The following WASHC2A variants were observed in gnomAD, a reference collection of about 807,000 sequenced individuals.
WASHC2A encodes the protein WASH complex subunit FAM21A.
A neutral mutation model predicts 140.3 loss-of-function variants in WASHC2A; 82 were observed. The observed-to-expected ratio is 0.58, with a 90% confidence interval of 0.49 to 0.70. The LOEUF is 0.70. Ranked by LOEUF, WASHC2A falls within the 30% of genes least tolerant of loss-of-function variation. WASHC2A has a pLI of 0.00. For missense variants in WASHC2A, 985 were observed against 1,521.8 expected (o/e 0.65, Z 5.87); for synonymous variants, 340 against 560.8 (o/e 0.61, Z 5.56).
intron 17 of WASHC2A, among the ~76,000 whole-genome samples, chr10:50,101,236 T>C (rs1420146403): frequency 6.6e-6 from 1 of 152,310 alleles, no homozygotes; most frequent in Admixed American, 6.5e-5. Context: ...CTCCACCGTC[T>C]TATGCTCATG....
chr10:50,079,314 G>A (rs1354674304), intron 4 of WASHC2A, among the ~76,000 whole-genome samples: 1 of 152,134 alleles, frequency 6.6e-6, no homozygotes. Context: ...TGTTAGACTA[G>A]GAAAAGGGTA....
chr10:50,091,921 A>T (rs1223366745), intron 10 of WASHC2A, among the ~76,000 whole-genome samples: 1 of 152,210 alleles, frequency 6.6e-6, no homozygotes, highest in Non-Finnish European at 1.5e-5. Flanking sequence ...TCTTTCAACA[A>T]ATACAATCCT....
At chr10:50,069,934 G>A (rs71508038) in intron 3 of WASHC2A, among the ~76,000 whole-genome samples, 5 of 151,818 alleles carry the variant, frequency 3.3e-5, no homozygotes, top group African/African-American at 4.8e-5. Flanking sequence ...CTTATACTTC[G>A]GTGCTTCCAT....
At chr10:50,069,489 A>G (rs1186644545) in intron 2 of WASHC2A, 58 bp from the exon 3 acceptor site, 196 of 1,543,622 alleles carry the variant, frequency 1.3e-4, no homozygotes, top group Non-Finnish European at 1.6e-4. Context: ...TTTTGATGTG[A>G]CATGCAGAAT....
intron 2 of WASHC2A, 105 bp downstream of exon 2, chr10:50,068,332 C>G: frequency 8.0e-7 from 1 of 1,247,222 alleles, no homozygotes; most frequent in South Asian, 1.6e-5. Flanking sequence ...GTCCCGTTGC[C>G]TGCCCTCTTA....
intron 5 of WASHC2A, among the ~76,000 whole-genome samples, chr10:50,081,895 A>G (rs1273248666): frequency 6.6e-6 from 1 of 152,118 alleles, no homozygotes; most frequent in Non-Finnish European, 1.5e-5. Flanking sequence ...GGCCTCCCAA[A>G]GTGCTGGGAT....
At chr10:50,114,544 AG>A (rs1389021498) in intron 21 of WASHC2A, among the ~76,000 whole-genome samples, 2 of 144,388 alleles carry the variant, frequency 1.4e-5, no homozygotes, top group African/African-American at 5.0e-5. Flanking sequence ...AAAAAAAAAA[AG>A]CGTAAACACG....
chr10:50,079,531 G>C (rs1332868353), intron 4 of WASHC2A, among the ~76,000 whole-genome samples: 1 of 152,156 alleles, frequency 6.6e-6, no homozygotes. Context: ...CGAGTAGCTG[G>C]GACTACAGGC....
chr10:50,089,653 C>T (rs1362764753), intron 8 of WASHC2A, among the ~76,000 whole-genome samples: 3 of 152,164 alleles, frequency 2.0e-5, no homozygotes, highest in South Asian at 4.1e-4. Context: ...GGGGGCGGGG[C>T]GTGGTATCAT....
intron 17 of WASHC2A, among the ~76,000 whole-genome samples, chr10:50,101,436 A>G (rs1253446688): frequency 1.3e-5 from 2 of 152,300 alleles, no homozygotes; most frequent in Admixed American, 6.5e-5. Context: ...CCTCTTTCCT[A>G]TTTCACTGTT....
intron 13 of WASHC2A, among the ~76,000 whole-genome samples, chr10:50,094,504 T>G (rs1389711189): frequency 2.0e-5 from 3 of 152,108 alleles, no homozygotes; most frequent in African/African-American, 7.2e-5. Context: ...AATATAAATA[T>G]GTTTTTTAAC....
chr10:50,074,398 A>G (rs750539755), intron 3 of WASHC2A, among the ~76,000 whole-genome samples: 81 of 150,112 alleles, frequency 5.4e-4, no homozygotes, highest in Non-Finnish European at 1.0e-3. Flanking sequence ...GCTGATAGGT[A>G]ACCATGGTAG....
chr10:50,098,351 A>G (rs1840705611), intron 16 of WASHC2A, among the ~76,000 whole-genome samples: 1 of 151,918 alleles, frequency 6.6e-6, no homozygotes. Flanking sequence ...CCAAAATGCC[A>G]TTTACAGCAG....
In WASHC2A at chr10:50,130,533, G is replaced by A. The variant is rs1409345629; in HGVS notation, c.3709-368G>A. Among the ~76,000 whole-genome samples the A allele has an allele frequency of 2.6e-5, 4 of 152,080 alleles. No homozygotes were observed. The East Asian group carries it at 7.7e-4, about 29-fold the overall frequency. On this transcript the variant is annotated intron_variant, in intron 29 of 30. Coordinates refer to ENST00000282633, the MANE Select transcript of WASHC2A (RefSeq NM_001005751.3). ...CGAGGTGAACTCAGAGAAGTGCTAG[G>A]CTCCTCAGAGCTCTCTGGGAAGATA... is the stretch of plus-strand genomic sequence containing the variant.
At chr10:50,095,261 T>A (rs1233090372) in intron 14 of WASHC2A, 54 bp downstream of exon 14, 5 of 1,406,608 alleles carry the variant, frequency 3.6e-6, no homozygotes, top group Non-Finnish European at 4.8e-6. Context: ...GTTTTTTGCA[T>A]TTCAAAATTA....
chr10:50,132,705 C>G, intron 30 of WASHC2A, 101 bp from the exon 31 acceptor site: 1 of 1,608,042 alleles, frequency 6.2e-7, no homozygotes, highest in Non-Finnish European at 8.5e-7. Context: ...GTACTCCATG[C>G]TGTTACCAGA....
At chr10:50,075,037 C>T (rs1268594020) in intron 3 of WASHC2A, among the ~76,000 whole-genome samples, 20 of 151,570 alleles carry the variant, frequency 1.3e-4, no homozygotes, top group African/African-American at 4.8e-4. Context: ...TAACTTTAAC[C>T]TTTTCTAGAT....
intron 28 of WASHC2A, among the ~76,000 whole-genome samples, chr10:50,129,010 A>T (rs1843690334): frequency 6.6e-6 from 1 of 152,074 alleles, no homozygotes; most frequent in South Asian, 2.1e-4. Flanking sequence ...AAAGGTTAGT[A>T]CCAGAATTCC....
At chr10:50,072,188 A>G (rs1837897326) in intron 3 of WASHC2A, among the ~76,000 whole-genome samples, 1 of 146,924 alleles carries the variant, frequency 6.8e-6, no homozygotes, top group African/African-American at 2.5e-5. Flanking sequence ...GGGTTCAAGC[A>G]GTTATCCTAC....
Sources: gnomAD v4.1 joint callset for allele counts (sites outside exome capture counted in the v4.1 genomes callset) on GRCh38, gnomAD v4.1.1 for gene constraint, MANE v1.5 for transcripts, NCBI Gene and HGNC (gene_info 2026-07-23, HGNC 2026-07-21) for gene names.